The following NIBAN2 variants were observed in gnomAD, a reference collection of about 807,000 sequenced individuals.
NIBAN2 encodes niban apoptosis regulator 2, also known as protein Niban 2.
In NIBAN2, 36 loss-of-function variants were observed where a neutral mutation model predicts 81.8. That is an observed-to-expected ratio of 0.44 (90% confidence interval 0.34 to 0.58). The LOEUF is 0.58. Ranked by LOEUF, NIBAN2 falls within the 20% of genes least tolerant of loss-of-function variation. The probability of loss-of-function intolerance (pLI) is 0.02; values close to 1 mark genes in which losing one functional copy is unlikely to be tolerated. For missense variants in NIBAN2, 897 were observed against 1,014.1 expected, an observed-to-expected ratio of 0.88 and a Z score of 1.57; for synonymous variants, 445 against 441.6, an observed-to-expected ratio of 1.01 and a Z score of -0.10.
Position 127,507,469 on chromosome 9 carries a change from G to T in NIBAN2, c.1655-38C>A. On this transcript the variant is annotated intron_variant, in intron 13 of 13. Transcript: ENST00000373312. This position sits in a 1 kb window ranked among gnomAD's most constrained non-coding sequence, Gnocchi z 6.8. ...AGGGGAAGGGTCAGGACACAGCACTGATCCCACAGCCGCCCCTGTGCTGGA... is the reference window on the plus strand; with the variant it reads ...AGGGGAAGGGTCAGGACACAGCACTTATCCCACAGCCGCCCCTGTGCTGGA... The T allele has an allele frequency of 6.9e-7, 1 of 1,444,120 alleles. No individual in the cohort carries two copies. The highest frequency in any genetic ancestry group is 9.2e-7 in the Non-Finnish European group (1 of 1,086,462). The allele number at this position is 1,444,120 out of a possible 1,614,324, so 89.5% of individuals were successfully genotyped here. A position where few individuals can be genotyped will look rare whatever the true frequency, so the allele number is the denominator to read the frequency against.
chr9:127,534,296 G>C (rs572274175), intron 1 of NIBAN2, among the ~76,000 whole-genome samples: 23 of 152,310 alleles, frequency 1.5e-4, no homozygotes, highest in African/African-American at 5.3e-4. Context: ...CCAGTCTCCA[G>C]GTACCGAGGG....
chr9:127,518,036 CAT>C, intron 5 of NIBAN2, 95 bp from the exon 6 acceptor site: 1 of 705,734 alleles, frequency 1.4e-6, no homozygotes, highest in South Asian at 1.9e-5. Context: ...CCCCCACACA[CAT>C]GGCATGCACC....
upstream of NIBAN2, among the ~76,000 whole-genome samples, chr9:127,570,382 G>A (rs1378177107): frequency 6.6e-6 from 1 of 152,128 alleles, no homozygotes; most frequent in Non-Finnish European, 1.5e-5. Flanking sequence ...AGATGCTGGG[G>A]GTGAAAAGAG....
At chr9:127,510,125 T>C (rs1222864723) in intron 9 of NIBAN2, 21 bp downstream of exon 9, 1 of 1,592,854 alleles carries the variant, frequency 6.3e-7, no homozygotes, top group South Asian at 1.1e-5. Context: ...GACCCCCTCC[T>C]AGGGGCGGTG....
chr9:127,578,939 C>T (rs1838042106), exon 1 of NIBAN2: 1 of 1,610,530 alleles, frequency 6.2e-7, no homozygotes, highest in Non-Finnish European at 8.5e-7. Flanking sequence ...CCACCCCATC[C>T]TCCAGAGTGA....
intron 1 of NIBAN2, among the ~76,000 whole-genome samples, chr9:127,554,548 C>CTTTCTTTTTTTTTTTTTTTT (rs1837632346): frequency 7.7e-5 from 8 of 103,700 alleles, no homozygotes; most frequent in Admixed American, 1.1e-4. Flanking sequence ...TTTTCTTTTT[C>CTTTCTTTTTTTTTTTTTTTT]TTTTTTTTTT....
At chr9:127,542,525 C>T (rs1238321131) in intron 1 of NIBAN2, among the ~76,000 whole-genome samples, 1 of 152,226 alleles carries the variant, frequency 6.6e-6, no homozygotes, top group African/African-American at 2.4e-5. Context: ...GCAATAAGCC[C>T]CCACACACCC....
At position 127,545,441 on chromosome 9, in the gene NIBAN2, C is replaced by T. The variant is rs1041590707; in HGVS notation, c.56-13663G>A. On this transcript the variant is annotated intron_variant, in intron 1 of 13. Transcript: ENST00000373312. This position sits in a 1 kb window ranked among gnomAD's most constrained non-coding sequence, Gnocchi z 4.7. The stretch of plus-strand genomic sequence containing the variant: ...AGGGGGGTGCTTGATAAACAAGTGC[C>T]GAACAAGTGTTAGGTCACCCAGCCT... Among the ~76,000 whole-genome samples the T allele has an allele frequency of 3.3e-5, 5 of 152,152 alleles. No individual in the cohort carries two copies. Among genetic ancestry groups the T allele is most frequent in the Admixed American group, 3.3e-4 (5 of 15,276 alleles).
At chr9:127,514,404 G>A (rs1392217059) in intron 8 of NIBAN2, among the ~76,000 whole-genome samples, 1 of 151,830 alleles carries the variant, frequency 6.6e-6, no homozygotes, top group African/African-American at 2.4e-5. Context: ...AACATCTCAT[G>A]TACCCCATAA....
rs1837032244 is a variant in NIBAN2, at chr9:127,524,961, C to CT, written c.421+96_421+97insA. 4 of 894,804 alleles carry CT rather than the reference C, an allele frequency of 4.5e-6. No homozygotes were observed. The East Asian group carries it at 9.7e-5, about 22-fold the overall frequency. The allele number at this position is 894,804 out of a possible 1,614,324, so 55.4% of individuals were successfully genotyped here. ...TAAGCCTAGTTGGTCTCTCCGCAAA[C>CT]ATGGGGCTGAAAGCAATGGGCTCAG... On this transcript the variant is annotated intron_variant, in intron 4 of 13. Coordinates refer to ENST00000373312, the MANE Select transcript of NIBAN2 (RefSeq NM_022833.4).
upstream of NIBAN2, among the ~76,000 whole-genome samples, chr9:127,573,181 G>C (rs1273787423): frequency 6.6e-6 from 1 of 152,204 alleles, no homozygotes; most frequent in African/African-American, 2.4e-5. Context: ...AGGAAGCAAG[G>C]TGAGTCCTTG....
chr9:127,523,574 AGAG>A, intron 5 of NIBAN2, 102 bp downstream of exon 5: 1 of 1,124,602 alleles, frequency 8.9e-7, no homozygotes, highest in Non-Finnish European at 1.3e-6. Flanking sequence ...AACAGCCTGT[AGAG>A]CAGGGTTGCC....
intron 8 of NIBAN2, among the ~76,000 whole-genome samples, chr9:127,511,146 G>A (rs1466891643): frequency 6.6e-6 from 1 of 152,130 alleles, no homozygotes; most frequent in Non-Finnish European, 1.5e-5. Flanking sequence ...CCAGGTTCAA[G>A]TGATTCTCAT....
chr9:127,566,614 T>C (rs1048460576), intron 1 of NIBAN2, among the ~76,000 whole-genome samples: 1 of 152,136 alleles, frequency 6.6e-6, no homozygotes, highest in Non-Finnish European at 1.5e-5. Flanking sequence ...GGTCAAACCT[T>C]GGAACCCTAA....
intron 9 of NIBAN2, 124 bp from the exon 10 acceptor site, chr9:127,509,255 C>A (rs1048353350): frequency 4.5e-6 from 4 of 881,550 alleles, no homozygotes; most frequent in East Asian, 2.7e-5. Flanking sequence ...CCAGGGATGG[C>A]CACCTGGTGC....
upstream of NIBAN2, among the ~76,000 whole-genome samples, chr9:127,569,809 C>T (rs1046680875): frequency 6.6e-6 from 1 of 152,258 alleles, no homozygotes; most frequent in Admixed American, 6.5e-5. Flanking sequence ...AGCATATGGG[C>T]ATTTCACTCG....
rs1361542593 is a variant in NIBAN2 at position 127,517,757 on chromosome 9, C to T, written c.705+69G>A. 8.5e-7 allele frequency: 1 copy of T among 1,174,304 alleles called. No homozygotes were observed. Among genetic ancestry groups the T allele is most frequent in the Non-Finnish European group, 1.3e-6 (1 of 798,522 alleles). 72.7% of individuals were successfully genotyped at this position (1,174,304 alleles called of 1,614,324 possible). A position where few individuals can be genotyped will look rare whatever the true frequency, so the allele number is the denominator to read the frequency against. ...CCCAGAGCCCCATCTCTGTACCCCA[C>T]CCCCTGCCCTCCCCTGCTGGGTCCT... On this transcript the variant is annotated intron_variant, in intron 6 of 13. Coordinates refer to ENST00000373312, the MANE Select transcript of NIBAN2 (RefSeq NM_022833.4). This position sits in a 1 kb window ranked among gnomAD's most constrained non-coding sequence, Gnocchi z 4.0.
intron 8 of NIBAN2, among the ~76,000 whole-genome samples, chr9:127,513,456 G>A (rs1836771948): frequency 1.3e-5 from 2 of 152,190 alleles, no homozygotes; most frequent in South Asian, 2.1e-4. Context: ...GGCATTCTAA[G>A]TCATGGGATG....
At chr9:127,548,829 G>A (rs1457384481) in intron 1 of NIBAN2, among the ~76,000 whole-genome samples, 1 of 152,144 alleles carries the variant, frequency 6.6e-6, no homozygotes, top group African/African-American at 2.4e-5. Flanking sequence ...AACAGACGCT[G>A]GGGAAGTCCA....
Sources: gnomAD v4.1 joint callset for allele counts (sites outside exome capture counted in the v4.1 genomes callset) on GRCh38, gnomAD v4.1.1 for gene constraint, Gnocchi (gnomAD v3.1) non-coding constraint, MANE v1.5 for transcripts, NCBI Gene and HGNC (gene_info 2026-07-23, HGNC 2026-07-21) for gene names.